Variants in AEBP2 observed in about 807,000 individuals in gnomAD.
AEBP2 encodes zinc finger protein AEBP2.
In AEBP2, 10 loss-of-function variants were observed where a neutral mutation model predicts 50.8. The observed-to-expected ratio is 0.20, with a 90% CI of 0.12 to 0.33. The LOEUF is 0.33. Ranked by LOEUF, AEBP2 falls within the 10% of genes least tolerant of loss-of-function variation. The probability of loss-of-function intolerance (pLI) is 1.00; values close to 1 mark genes in which losing one functional copy is unlikely to be tolerated. For synonymous variants in AEBP2, 296 were observed against 261.3 expected (o/e 1.13, Z -1.28); for missense variants, 570 against 688.0 (o/e 0.83, Z 1.92).
chr12:19,424,465 C>T (rs1238506363), intron 1 of AEBP2, among the ~76,000 whole-genome samples: 3 of 151,902 alleles, frequency 2.0e-5, no homozygotes, highest in South Asian at 2.1e-4. Flanking sequence ...GGCGCGATCT[C>T]GGCTCACTGC....
rs535995132 is a variant in AEBP2 at position 19,424,531 on chromosome 12, G to A, written c.-17+20315G>A. 7.4e-4 allele frequency among the ~76,000 whole-genome samples: 112 copies of A among 151,980 alleles called. 1 individual carries two copies. The highest frequency in any genetic ancestry group is 2.6e-3 in the Admixed American group (40 of 15,274). On this transcript the variant is annotated intron_variant, in intron 1 of 3. Coordinates refer to the AEBP2 transcript ENST00000538425. ...CCTGCCTCAGCCTCCTGAGTAGCTG[G>A]GACTACAGGCGCCCGCCACCTCGCC...
chr12:19,407,221 C>G (rs1373224299), intron 1 of AEBP2, among the ~76,000 whole-genome samples: 1 of 152,148 alleles, frequency 6.6e-6, no homozygotes, highest in Non-Finnish European at 1.5e-5. Context: ...TTATTTGAGC[C>G]CAGAAGTTCA....
intron 3 of AEBP2, among the ~76,000 whole-genome samples, chr12:19,488,144 G>A (rs775307270): frequency 2.1e-5 from 3 of 143,176 alleles, no homozygotes; most frequent in Non-Finnish European, 4.6e-5. Flanking sequence ...TTTTTTTTGA[G>A]GCGTAGTTTT....
chr12:19,460,875 C>T (rs746949315), intron 1 of AEBP2, among the ~76,000 whole-genome samples: 1 of 151,116 alleles, frequency 6.6e-6, no homozygotes, highest in African/African-American at 2.4e-5. Flanking sequence ...AGGATGGTCT[C>T]GATCTCCTGA....
chr12:19,495,018 G>C (rs1948952338), intron 4 of AEBP2, among the ~76,000 whole-genome samples: 1 of 151,984 alleles, frequency 6.6e-6, no homozygotes, highest in Non-Finnish European at 1.5e-5. Flanking sequence ...GCAGTTCTCT[G>C]TCTCAGCCTT....
chr12:19,478,684 C>G (rs1023313118), intron 3 of AEBP2, among the ~76,000 whole-genome samples: 2 of 152,098 alleles, frequency 1.3e-5, no homozygotes, highest in East Asian at 1.9e-4. Flanking sequence ...TATTATTGTT[C>G]AAATAATTTT....
Position 19,439,541 on chromosome 12 carries a change from CGTA to C in AEBP2, c.-157_-155del, listed in dbSNP as rs1947900955. 1.0e-6 allele frequency: 1 copy of C among 969,380 alleles called. No homozygotes were observed. The highest frequency in any genetic ancestry group is 1.8e-5 in the African/African-American group (1 of 56,798). 60.0% of individuals were successfully genotyped at this position (969,380 alleles called of 1,614,324 possible). Reference sequence around the variant, plus strand: ...CGCGCGCCTGTCCCCGCGCGGGCTCCGTAGCGCGTGTGCAGGCTGACGCAGCTC... The same window carrying C: ...CGCGCGCCTGTCCCCGCGCGGGCTCCGCGCGTGTGCAGGCTGACGCAGCTC... On this transcript the variant is annotated 5_prime_UTR_variant, in exon 1 of 8. Transcript: ENST00000266508.
At chr12:19,429,796 A>G (rs1392548841) in intron 1 of AEBP2, among the ~76,000 whole-genome samples, 1 of 149,420 alleles carries the variant, frequency 6.7e-6, no homozygotes, top group African/African-American at 2.4e-5. Context: ...GTGTCTGTTC[A>G]TATCCTTCGC....
chr12:19,513,490 G>T (rs1949267777), intron 6 of AEBP2, among the ~76,000 whole-genome samples: 1 of 152,140 alleles, frequency 6.6e-6, no homozygotes, highest in African/African-American at 2.4e-5. Context: ...GGGCGCAGTG[G>T]TTTATGCTGG....
At chr12:19,463,667 ATTTTTTTTT>A (rs34007914) in intron 2 of AEBP2, among the ~76,000 whole-genome samples, 5 of 84,674 alleles carry the variant, frequency 5.9e-5, no homozygotes, top group African/African-American at 2.4e-4. Context: ...TCATACTTGA[ATTTTTTTTT>A]TTTTTTTTTT....
intron 1 of AEBP2, among the ~76,000 whole-genome samples, chr12:19,432,605 G>A (rs1565699652): frequency 6.6e-6 from 1 of 152,066 alleles, no homozygotes. Context: ...GATGTGGGAG[G>A]ATGGCTTGAA....
intron 2 of AEBP2, among the ~76,000 whole-genome samples, chr12:19,471,293 A>G (rs1173502016): frequency 6.6e-6 from 1 of 151,944 alleles, no homozygotes; most frequent in Non-Finnish European, 1.5e-5. Flanking sequence ...TAATTTTTGT[A>G]TATTTTGTAT....
At chr12:19,456,899 G>A (rs1265110877) in intron 1 of AEBP2, 25 of 1,460,064 alleles carry the variant, frequency 1.7e-5, no homozygotes, top group Non-Finnish European at 2.0e-5. Context: ...GGCAGGCAAA[G>A]GGGCTTGTTA....
intron 5 of AEBP2, among the ~76,000 whole-genome samples, chr12:19,502,446 A>AT (rs1304900301): frequency 6.6e-6 from 1 of 151,494 alleles, no homozygotes; most frequent in Non-Finnish European, 1.5e-5. Context: ...TCTTGAGTTA[A>AT]TTTTTTATAT....
chr12:19,423,802 C>T lies in AEBP2; in HGVS notation c.-17+19586C>T, dbSNP rs189013219. ...GCTGCAGTGAGCCGAGATTGCGCCA[C>T]TGCGCTCCAGCCTGGGCGACAGAGT... On this transcript the variant is annotated intron_variant, in intron 1 of 3. Transcript: ENST00000538425. Among the ~76,000 whole-genome samples the T allele has an allele frequency of 4.4e-3, 667 of 152,200 alleles. 4 individuals carry two copies. Among genetic ancestry groups the T allele is most frequent in the Middle Eastern group, 0.024 (7 of 292 alleles).
chr12:19,507,606 C>CAG (rs1162687973), intron 5 of AEBP2, among the ~76,000 whole-genome samples: 1 of 152,080 alleles, frequency 6.6e-6, no homozygotes, highest in Non-Finnish European at 1.5e-5. Context: ...AGTGAGGAGG[C>CAG]AGAGGTACCT....
At chr12:19,517,303 G>T (rs1002426800) in intron 7 of AEBP2, among the ~76,000 whole-genome samples, 2 of 152,012 alleles carry the variant, frequency 1.3e-5, no homozygotes, top group African/African-American at 4.8e-5. Flanking sequence ...CAAACCTTCT[G>T]CAAAATAGAT....
upstream of AEBP2, among the ~76,000 whole-genome samples, chr12:19,435,343 C>T (rs1195169460): frequency 1.3e-5 from 2 of 151,302 alleles, no homozygotes; most frequent in East Asian, 1.9e-4. Flanking sequence ...TGCAGTGGCG[C>T]AATTTCGGCT....
At chr12:19,484,525 C>A (rs1948778900) in intron 3 of AEBP2, among the ~76,000 whole-genome samples, 1 of 151,896 alleles carries the variant, frequency 6.6e-6, no homozygotes, top group Non-Finnish European at 1.5e-5. Flanking sequence ...CAGGTACCCA[C>A]CACCACGCCC....
Sources: allele counts gnomAD v4.1 joint callset (sites outside exome capture counted in the v4.1 genomes callset), GRCh38; gene constraint gnomAD v4.1.1; transcripts MANE v1.5; gene names NCBI Gene and HGNC (gene_info 2026-07-23, HGNC 2026-07-21).